The following PDE10A variants were observed in gnomAD, a reference collection of about 807,000 sequenced individuals.
PDE10A encodes phosphodiesterase 10A, also known as cAMP and cAMP-inhibited cGMP 3',5'-cyclic phosphodiesterase 10A.
A neutral mutation model predicts 97.7 loss-of-function variants in PDE10A; 39 were observed. The ratio of observed to expected loss-of-function variants is 0.40; its 90% CI spans 0.31 to 0.52. The LOEUF is 0.52. PDE10A is among the 20% of genes least tolerant of loss of function. PDE10A has a pLI of 0.56. For synonymous variants in PDE10A, 371 were observed against 376.8 expected (o/e 0.98, Z 0.18); for missense variants, 731 against 1,047.8 (o/e 0.70, Z 4.17).
intron 3 of PDE10A, among the ~76,000 whole-genome samples, chr6:165,470,723 T>G (rs1367915060): frequency 1.3e-5 from 2 of 152,170 alleles, no homozygotes; most frequent in African/African-American, 4.8e-5. Flanking sequence ...TAATTAGTTG[T>G]GAAGGAACAG....
At chr6:165,385,998 G>A (rs935868763) in intron 17 of PDE10A, among the ~76,000 whole-genome samples, 8 of 152,168 alleles carry the variant, frequency 5.3e-5, no homozygotes, top group African/African-American at 1.7e-4. Flanking sequence ...ACCAATGACT[G>A]AAATTCCAGC....
At chr6:165,357,535 T>C (rs1783102153) in intron 18 of PDE10A, among the ~76,000 whole-genome samples, 1 of 152,126 alleles carries the variant, frequency 6.6e-6, no homozygotes. Context: ...TGTTTGTTTG[T>C]TTGTTTTAAG....
intron 1 of PDE10A, among the ~76,000 whole-genome samples, chr6:165,620,346 C>G (rs749603366): frequency 3.7e-4 from 56 of 152,186 alleles, no homozygotes; most frequent in Non-Finnish European, 6.0e-4. Context: ...TAGAAATGGC[C>G]AAAGAGATGC....
intron 8 of PDE10A, among the ~76,000 whole-genome samples, chr6:165,430,983 AT>A (rs777339060): frequency 6.6e-6 from 1 of 152,174 alleles, no homozygotes; most frequent in Non-Finnish European, 1.5e-5. Flanking sequence ...GTAGTTGGTG[AT>A]TTTTAAATTA....
intron 1 of PDE10A, among the ~76,000 whole-genome samples, chr6:165,682,443 T>C (rs961136373): frequency 6.6e-5 from 10 of 152,194 alleles, no homozygotes; most frequent in African/African-American, 2.2e-4. Flanking sequence ...CCCAAATTTA[T>C]ATCTTAAAAT....
chr6:165,736,364 A>C lies in PDE10A; in HGVS notation c.-614-192796T>G, dbSNP rs76346108. Among the ~76,000 whole-genome samples, 711 of 152,310 alleles carry C rather than the reference A, an allele frequency of 4.7e-3. 7 individuals are homozygous for C. The highest frequency in any genetic ancestry group is 0.016 in the African/African-American group (684 of 41,574). ...AATATGTGCTTCTGTAGAGCACAGA[A>C]GTAGAGATGCATTAAAGAGGGTAGG... On this transcript the variant is annotated intron_variant, in intron 1 of 19. Transcript: ENST00000366882.
intron 3 of PDE10A, among the ~76,000 whole-genome samples, chr6:165,480,820 A>C (rs1779563138): frequency 6.6e-6 from 1 of 152,182 alleles, no homozygotes; most frequent in Non-Finnish European, 1.5e-5. Context: ...TTTCATAAGG[A>C]AACTCTGAGT....
intron 1 of PDE10A, among the ~76,000 whole-genome samples, chr6:165,960,671 G>A (rs938393478): frequency 6.6e-6 from 1 of 152,212 alleles, no homozygotes; most frequent in Non-Finnish European, 1.5e-5. Flanking sequence ...TACGGCAAGG[G>A]ACGTGAGTTA....
At chr6:165,355,494 T>G (rs1224170138) in intron 18 of PDE10A, among the ~76,000 whole-genome samples, 1 of 152,234 alleles carries the variant, frequency 6.6e-6, no homozygotes, top group Non-Finnish European at 1.5e-5. Context: ...CTAACATTTG[T>G]GTGATTCAAC....
At chr6:165,490,368 T>G (rs779331962) in intron 2 of PDE10A, among the ~76,000 whole-genome samples, 1 of 152,146 alleles carries the variant, frequency 6.6e-6, no homozygotes, top group African/African-American at 2.4e-5. Context: ...AAAGGAAAGA[T>G]AGAGACTTTT....
chr6:165,530,234 GTAAGTTAATACT>G (rs1306111774), intron 2 of PDE10A, among the ~76,000 whole-genome samples: 1 of 151,774 alleles, frequency 6.6e-6, no homozygotes, highest in Non-Finnish European at 1.5e-5. Context: ...TTGTGATTGT[GTAAGTTAATACT>G]TTAAGTAAAA....
chr6:165,482,134 G>A (rs1278075831), intron 3 of PDE10A, among the ~76,000 whole-genome samples, 181 bp downstream of exon 3: 2 of 152,178 alleles, frequency 1.3e-5, no homozygotes, highest in Non-Finnish European at 2.9e-5. Context: ...TCAGTCTTGA[G>A]GCCTTCAATT....
intron 1 of PDE10A, among the ~76,000 whole-genome samples, chr6:165,806,703 A>T (rs1044672440): frequency 1.3e-5 from 2 of 151,902 alleles, no homozygotes; most frequent in African/African-American, 4.8e-5. Flanking sequence ...AGTGCAGCCA[A>T]TGTGACTTGC....
intron 8 of PDE10A, 28 bp downstream of exon 8, chr6:165,431,393 GC>G: frequency 6.5e-7 from 1 of 1,544,562 alleles, no homozygotes; most frequent in Non-Finnish European, 8.8e-7. Context: ...CCCTTAGGAA[GC>G]CCCTGCAAAA....
At chr6:165,403,307 G>T (rs534584068) in intron 13 of PDE10A, among the ~76,000 whole-genome samples, 1 of 152,150 alleles carries the variant, frequency 6.6e-6, no homozygotes, top group African/African-American at 2.4e-5. Context: ...GTGGTGCACC[G>T]AACTGGCTTG....
At chr6:165,548,113 CTCATA>C (rs10551234) in intron 1 of PDE10A, among the ~76,000 whole-genome samples, 21,466 of 151,994 alleles carry the variant, frequency 0.14, 1,620 homozygotes, top group African/African-American at 0.16. Context: ...CTACTCTCCT[CTCATA>C]TAATTTCAAA....
chr6:165,977,060 T>C (rs1343796727), intron 1 of PDE10A, among the ~76,000 whole-genome samples: 1 of 152,248 alleles, frequency 6.6e-6, no homozygotes, highest in Admixed American at 6.5e-5. Context: ...AACCTGTTAC[T>C]TTAAGATGAG....
At chr6:165,449,535 T>C (rs1326051383) in intron 4 of PDE10A, among the ~76,000 whole-genome samples, 3 of 152,110 alleles carry the variant, frequency 2.0e-5, no homozygotes, top group South Asian at 2.1e-4. Flanking sequence ...CTGTGTGACT[T>C]TGGGTAAGAT....
At chr6:165,462,393 G>A (rs982765707) in intron 3 of PDE10A, among the ~76,000 whole-genome samples, 1 of 152,192 alleles carries the variant, frequency 6.6e-6, no homozygotes, top group East Asian at 1.9e-4. Flanking sequence ...GACAGAAGCA[G>A]AACAACCGAT....
Sources: gnomAD v4.1 joint callset for allele counts (sites outside exome capture counted in the v4.1 genomes callset) on GRCh38, gnomAD v4.1.1 for gene constraint, MANE v1.5 for transcripts, NCBI Gene and HGNC (gene_info 2026-07-23, HGNC 2026-07-21) for gene names.